Variants in LPP observed in about 807,000 individuals in gnomAD.
The protein encoded by LPP is LIM domain containing preferred translocation partner in lipoma.
A neutral mutation model predicts 60.4 loss-of-function variants in LPP; 38 were observed. The observed-to-expected ratio is 0.63, with a 90% CI of 0.49 to 0.83. LPP has a LOEUF of 0.83. Ranked by LOEUF, LPP falls within the 40% of genes least tolerant of loss-of-function variation. The pLI is 0.00. For synonymous variants in LPP, 328 were observed against 290.8 expected (o/e 1.13, Z -1.30); for missense variants, 902 against 783.6 (o/e 1.15, Z -1.80).
chr3:188,742,114 A>G (rs900790706), intron 8 of LPP, among the ~76,000 whole-genome samples: 20 of 152,270 alleles, frequency 1.3e-4, no homozygotes, highest in African/African-American at 4.6e-4. Flanking sequence ...ACCTCCATAC[A>G]TTGATGAGAG....
intron 9 of LPP, among the ~76,000 whole-genome samples, chr3:188,811,090 G>T (rs577129086): frequency 6.6e-6 from 1 of 151,482 alleles, no homozygotes; most frequent in East Asian, 1.9e-4. Context: ...GAGTTATAGG[G>T]TATATATATA....
At chr3:188,536,539 A>AG (rs1254127011) in intron 6 of LPP, among the ~76,000 whole-genome samples, 1 of 152,266 alleles carries the variant, frequency 6.6e-6, no homozygotes, top group Non-Finnish European at 1.5e-5. Context: ...CCATACACAT[A>AG]TATTTGCCTA....
intron 4 of LPP, among the ~76,000 whole-genome samples, chr3:188,463,917 T>G (rs1213912798): frequency 6.6e-6 from 1 of 152,186 alleles, no homozygotes; most frequent in African/African-American, 2.4e-5. Context: ...CACCTGTGGC[T>G]TCTATGTTGC....
At chr3:188,598,659 G>T (rs550769273) in intron 6 of LPP, among the ~76,000 whole-genome samples, 1 of 152,018 alleles carries the variant, frequency 6.6e-6, no homozygotes, top group African/African-American at 2.4e-5. Flanking sequence ...CTGGTATTTC[G>T]AATTAATGTT....
At chr3:188,344,093 A>G (rs1372070031) in intron 3 of LPP, among the ~76,000 whole-genome samples, 4 of 152,188 alleles carry the variant, frequency 2.6e-5, no homozygotes, top group African/African-American at 9.7e-5. Flanking sequence ...ATGTTCTTTA[A>G]TAGGCAAGAT....
intron 3 of LPP, among the ~76,000 whole-genome samples, chr3:188,379,858 G>C (rs186598526): frequency 1.3e-5 from 2 of 152,140 alleles, no homozygotes; most frequent in African/African-American, 4.8e-5. Flanking sequence ...AAGAAACCAC[G>C]GTCTGTGTTT....
intron 2 of LPP, among the ~76,000 whole-genome samples, chr3:188,241,275 A>G (rs1724678614): frequency 6.6e-6 from 1 of 152,326 alleles, no homozygotes; most frequent in Admixed American, 6.5e-5. Context: ...TACATGCTGT[A>G]CGTTTCTCCA....
At chr3:188,853,305 C>A (rs1007578382) in intron 9 of LPP, among the ~76,000 whole-genome samples, 3 of 152,208 alleles carry the variant, frequency 2.0e-5, no homozygotes, top group Non-Finnish European at 4.4e-5. Context: ...GTGTAGTCAT[C>A]TTTGAAAATT....
chr3:188,770,104 G>A (rs1219681483), intron 9 of LPP, among the ~76,000 whole-genome samples: 2 of 148,236 alleles, frequency 1.3e-5, no homozygotes, highest in Admixed American at 6.8e-5. Context: ...CTCCTTTAGA[G>A]ATAAAAGGAC....
intron 2 of LPP, among the ~76,000 whole-genome samples, chr3:188,306,090 AT>A (rs1200518225): frequency 6.6e-6 from 1 of 150,616 alleles, no homozygotes; most frequent in Non-Finnish European, 1.5e-5. Flanking sequence ...CTTTTCTTTT[AT>A]TTTTTTTGAG....
chr3:188,887,122 G>A lies in LPP; in HGVS notation c.*12643G>A, dbSNP rs1770775199. The A allele has an allele frequency of 4.4e-6, 1 of 228,900 alleles. No homozygotes were observed. Among genetic ancestry groups the A allele is most frequent in the South Asian group, 1.8e-4 (1 of 5,478 alleles). 14.2% of individuals were successfully genotyped at this position (228,900 alleles called of 1,614,324 possible). On this transcript the variant is annotated 3_prime_UTR_variant, in exon 12 of 12. Coordinates refer to ENST00000617246, the MANE Select transcript of LPP (RefSeq NM_001375462.1). The stretch of plus-strand genomic sequence containing the variant: ...GCATAGCAGTAATCGTTACTATCTT[G>A]ACTCTTTCCTTCATCACAAGAGAGT...
chr3:188,498,970 A>T (rs1156799498), intron 5 of LPP, among the ~76,000 whole-genome samples: 1 of 152,154 alleles, frequency 6.6e-6, no homozygotes, highest in Non-Finnish European at 1.5e-5. Context: ...AGAAATGTCT[A>T]TTCAAGTTCT....
At chr3:188,807,740 T>A (rs1749613488) in intron 9 of LPP, among the ~76,000 whole-genome samples, 1 of 152,192 alleles carries the variant, frequency 6.6e-6, no homozygotes, top group African/African-American at 2.4e-5. Flanking sequence ...ACAGTCTCTA[T>A]ATCTTTGAGA....
At chr3:188,701,741 A>T (rs563165299) in intron 7 of LPP, among the ~76,000 whole-genome samples, 1 of 150,752 alleles carries the variant, frequency 6.6e-6, no homozygotes, top group East Asian at 1.9e-4. Flanking sequence ...ATGCCACGAT[A>T]TCTGGCTGCG....
intron 6 of LPP, among the ~76,000 whole-genome samples, chr3:188,582,142 C>CTTTTTCT (rs1213239571): frequency 3.5e-5 from 4 of 114,902 alleles, no homozygotes; most frequent in Non-Finnish European, 6.6e-5. Context: ...GTCGTTTTAC[C>CTTTTTCT]TTTTTCTTTT....
chr3:188,481,845 T>G (rs1421274433), intron 4 of LPP, among the ~76,000 whole-genome samples: 1 of 152,198 alleles, frequency 6.6e-6, no homozygotes, highest in Non-Finnish European at 1.5e-5. Context: ...TTTCCCATGA[T>G]GTAACAGAAT....
At chr3:188,638,618 A>G (rs1356505616) in intron 7 of LPP, among the ~76,000 whole-genome samples, 1 of 148,750 alleles carries the variant, frequency 6.7e-6, no homozygotes, top group African/African-American at 2.5e-5. Context: ...AGAAAACCCC[A>G]TTGCCTCAGC....
chr3:188,468,493 G>A (rs550369018), intron 4 of LPP, among the ~76,000 whole-genome samples: 3 of 152,190 alleles, frequency 2.0e-5, no homozygotes, highest in Admixed American at 2.0e-4. Context: ...GTAGACTAGC[G>A]GACCTCTTTA....
chr3:188,526,013 G>A (rs1169542555), intron 6 of LPP, among the ~76,000 whole-genome samples: 1 of 152,154 alleles, frequency 6.6e-6, no homozygotes, highest in East Asian at 1.9e-4. Flanking sequence ...AAGGGTTGTG[G>A]CAAATCTGTT....
Sources: gnomAD v4.1 joint callset for allele counts (sites outside exome capture counted in the v4.1 genomes callset) on GRCh38, gnomAD v4.1.1 for gene constraint, MANE v1.5 for transcripts, NCBI Gene and HGNC (gene_info 2026-07-23, HGNC 2026-07-21) for gene names.